ENTREP2: variants seen among roughly 807,000 people sequenced by gnomAD.
The protein encoded by ENTREP2 is protein ENTREP2.
the ENTREP2 span, among the ~76,000 whole-genome samples, chr15:29,442,522 G>A: frequency 7.2e-5 from 11 of 152,246 alleles, no homozygotes; most frequent in South Asian, 6.2e-4. Context: ...GTACTCTGCC[G>A]AGAACCAGTT....
chr15:29,652,652 G>C, the ENTREP2 span, among the ~76,000 whole-genome samples: 10 of 152,334 alleles, frequency 6.6e-5, no homozygotes, highest in Admixed American at 1.3e-4. Context: ...TCCCCCCAGG[G>C]CCAGCCAAAG....
At chr15:29,189,680 C>A in the ENTREP2 span, among the ~76,000 whole-genome samples, 1 of 152,072 alleles carries the variant, frequency 6.6e-6, no homozygotes, top group East Asian at 1.9e-4. Flanking sequence ...TGGCTAGATG[C>A]AGTGTCAACA....
chr15:29,478,828 C>T, the ENTREP2 span, among the ~76,000 whole-genome samples: 255 of 149,916 alleles, frequency 1.7e-3, no homozygotes, highest in African/African-American at 5.9e-3. Context: ...TCTCTTGAAC[C>T]GGGGAGGCGG....
At chr15:29,395,220 T>C in the ENTREP2 span, among the ~76,000 whole-genome samples, 6 of 152,012 alleles carry the variant, frequency 3.9e-5, no homozygotes, top group South Asian at 8.3e-4. Context: ...TAGTATTCTG[T>C]ACGTATAGAC....
chr15:29,262,919 T>C, the ENTREP2 span, among the ~76,000 whole-genome samples: 3 of 152,206 alleles, frequency 2.0e-5, no homozygotes, highest in African/African-American at 7.2e-5. Context: ...TATCTGCTGC[T>C]TCCTCCGTAG....
At chr15:29,600,765 C>A in the ENTREP2 span, among the ~76,000 whole-genome samples, 1 of 152,038 alleles carries the variant, frequency 6.6e-6, no homozygotes, top group Non-Finnish European at 1.5e-5. Flanking sequence ...AGCCACCACA[C>A]CCAGCTTATG....
At chr15:29,244,532 C>T in the ENTREP2 span, among the ~76,000 whole-genome samples, 4 of 152,182 alleles carry the variant, frequency 2.6e-5, no homozygotes, top group Non-Finnish European at 5.9e-5. Flanking sequence ...TTCCTTTTCT[C>T]GGACACTGCA....
chr15:29,296,519 C>T, the ENTREP2 span, among the ~76,000 whole-genome samples: 1 of 152,042 alleles, frequency 6.6e-6, no homozygotes, highest in Non-Finnish European at 1.5e-5. Context: ...GGCCCAAAAT[C>T]GACAGAAAAT....
the ENTREP2 span, among the ~76,000 whole-genome samples, chr15:29,284,005 C>T: frequency 1.2e-4 from 19 of 152,124 alleles, no homozygotes; most frequent in East Asian, 2.7e-3. Context: ...AACTAAGAAT[C>T]ACGAGTTAAG....
chr15:29,185,014 T>A, the ENTREP2 span, among the ~76,000 whole-genome samples: 1 of 151,066 alleles, frequency 6.6e-6, no homozygotes, highest in Non-Finnish European at 1.5e-5. Flanking sequence ...AGGTTGAGGC[T>A]GCATGCAGTA....
the ENTREP2 span, among the ~76,000 whole-genome samples, chr15:29,635,803 C>A: frequency 6.6e-6 from 1 of 152,136 alleles, no homozygotes; most frequent in Non-Finnish European, 1.5e-5. Flanking sequence ...CAGACCTGCT[C>A]CTGTCTTATA....
At chr15:29,247,717 A>G in the ENTREP2 span, among the ~76,000 whole-genome samples, 1 of 145,374 alleles carries the variant, frequency 6.9e-6, no homozygotes, top group African/African-American at 2.5e-5. Context: ...ATAGCAGCCA[A>G]CTTTGTTTCC....
chr15:29,583,341 G>T, the ENTREP2 span, among the ~76,000 whole-genome samples: 3 of 152,282 alleles, frequency 2.0e-5, no homozygotes, highest in East Asian at 5.8e-4. Flanking sequence ...TCTTTGCAGC[G>T]ACATGGATGA....
the ENTREP2 span, among the ~76,000 whole-genome samples, chr15:29,292,220 G>A: frequency 6.6e-6 from 1 of 152,078 alleles, no homozygotes; most frequent in East Asian, 1.9e-4. Context: ...TCACTGACAG[G>A]CTTCAGTACA....
At chr15:29,257,009 T>C in the ENTREP2 span, among the ~76,000 whole-genome samples, 4 of 151,886 alleles carry the variant, frequency 2.6e-5, no homozygotes, top group Non-Finnish European at 4.4e-5. Context: ...TGCCTAATAC[T>C]TCATGGCACA....
At chr15:29,534,311 A>G in the ENTREP2 span, among the ~76,000 whole-genome samples, 1 of 152,032 alleles carries the variant, frequency 6.6e-6, no homozygotes, top group Non-Finnish European at 1.5e-5. Flanking sequence ...CCGTGGAGAT[A>G]TTGGATTTAG....
the ENTREP2 span, among the ~76,000 whole-genome samples, chr15:29,437,121 C>T: frequency 6.6e-6 from 1 of 152,214 alleles, no homozygotes; most frequent in Non-Finnish European, 1.5e-5. Context: ...CTTTTCCTAT[C>T]CCTTCCGAAC....
the ENTREP2 span, among the ~76,000 whole-genome samples, chr15:29,344,387 T>C: frequency 6.6e-6 from 1 of 152,220 alleles, no homozygotes; most frequent in African/African-American, 2.4e-5. Context: ...CCTAAACATA[T>C]GTAATCTTGT....
At chr15:29,562,095 A>G in the ENTREP2 span, among the ~76,000 whole-genome samples, 6 of 152,256 alleles carry the variant, frequency 3.9e-5, no homozygotes, top group Non-Finnish European at 1.5e-5. Flanking sequence ...AGATGGATCC[A>G]GGTTCAGGGT....
Sources: gnomAD v4.1 joint callset for allele counts (sites outside exome capture counted in the v4.1 genomes callset) on GRCh38, gnomAD v4.1.1 for gene constraint, MANE v1.5 for transcripts, NCBI Gene and HGNC (gene_info 2026-07-23, HGNC 2026-07-21) for gene names.